Variants in KIAA1217 observed in about 807,000 individuals in gnomAD.
KIAA1217 encodes the protein KIAA1217, also known as sickle tail protein homolog.
Under a neutral mutation model 163.9 loss-of-function variants are expected in KIAA1217, and 88 were observed. The ratio of observed to expected loss-of-function variants is 0.54; its 90% CI spans 0.45 to 0.64. KIAA1217 has a LOEUF of 0.64. Among genes scored for constraint, KIAA1217 ranks in the 30% least tolerant of loss-of-function variants. The probability of loss-of-function intolerance (pLI) is 0.00; values close to 1 mark genes in which losing one functional copy is unlikely to be tolerated. For missense variants in KIAA1217, 2,372 were observed against 2,475.0 expected, an observed-to-expected ratio of 0.96 and a Z score of 0.88; for synonymous variants, 903 against 923.1, an observed-to-expected ratio of 0.98 and a Z score of 0.39.
At chr10:23,859,136 A>G (rs750603302) in intron 1 of KIAA1217, among the ~76,000 whole-genome samples, 5 of 152,182 alleles carry the variant, frequency 3.3e-5, no homozygotes, top group African/African-American at 4.8e-5. Context: ...GTCTTTGTAT[A>G]TGTGTGGGTG....
At chr10:24,526,290 G>T (rs1453207853) in intron 13 of KIAA1217, among the ~76,000 whole-genome samples, 1 of 152,090 alleles carries the variant, frequency 6.6e-6, no homozygotes, top group African/African-American at 2.4e-5. Flanking sequence ...TGTCGCAAGG[G>T]CCCTGGCTTG....
At chr10:24,194,676 C>T (rs1330565414) in intron 2 of KIAA1217, among the ~76,000 whole-genome samples, 1 of 151,458 alleles carries the variant, frequency 6.6e-6, no homozygotes, top group Non-Finnish European at 1.5e-5. Flanking sequence ...CCATCTCAGC[C>T]AGGCTCAAGC....
chr10:23,996,458 C>G (rs187862950), intron 1 of KIAA1217, among the ~76,000 whole-genome samples: 8 of 152,126 alleles, frequency 5.3e-5, no homozygotes, highest in African/African-American at 1.9e-4. Context: ...GCAAACACAA[C>G]GGCAGAAACT....
At chr10:24,007,288 C>T (rs1326646051) in exon 2 of KIAA1217, 1 of 152,122 alleles carries the variant, frequency 6.6e-6, no homozygotes, top group East Asian at 1.9e-4. Context: ...GGAGTGGAAC[C>T]ACAGCCCAGA....
intron 1 of KIAA1217, among the ~76,000 whole-genome samples, chr10:23,909,364 T>A (rs897727713): frequency 4.0e-5 from 6 of 151,110 alleles, no homozygotes; most frequent in East Asian, 1.9e-4. Flanking sequence ...ATAAAAAAAA[T>A]TAAAAAATAA....
chr10:23,773,995 T>C (rs1289143290), intron 1 of KIAA1217, among the ~76,000 whole-genome samples: 3 of 152,174 alleles, frequency 2.0e-5, no homozygotes, highest in Admixed American at 6.5e-5. Context: ...TCCAACACTA[T>C]GTTGAATAGG....
intron 3 of KIAA1217, among the ~76,000 whole-genome samples, chr10:24,387,024 T>C (rs927595181): frequency 2.0e-5 from 3 of 152,246 alleles, no homozygotes; most frequent in Non-Finnish European, 4.4e-5. Flanking sequence ...GGGAGTTTCA[T>C]AGCAGGTCAA....
At chr10:24,147,076 G>C (rs2131847889) in intron 2 of KIAA1217, among the ~76,000 whole-genome samples, 1 of 148,602 alleles carries the variant, frequency 6.7e-6, no homozygotes, top group Non-Finnish European at 1.5e-5. Flanking sequence ...CAAATGATTT[G>C]GTGAGGCCCC....
chr10:23,726,979 C>CT (rs1012125050), intron 1 of KIAA1217, among the ~76,000 whole-genome samples: 2,211 of 93,298 alleles, frequency 0.024, 325 homozygotes, highest in Non-Finnish European at 0.03. Flanking sequence ...GTATAGGCCT[C>CT]TTTTTTTTTT....
At chr10:23,920,597 T>C (rs1842815150) in intron 1 of KIAA1217, among the ~76,000 whole-genome samples, 1 of 152,170 alleles carries the variant, frequency 6.6e-6, no homozygotes, top group Admixed American at 6.5e-5. Flanking sequence ...CCTTCTTTTG[T>C]CTCTCTATTT....
intron 2 of KIAA1217, among the ~76,000 whole-genome samples, chr10:24,030,570 A>G (rs1848150590): frequency 6.6e-6 from 1 of 152,126 alleles, no homozygotes; most frequent in Admixed American, 6.6e-5. Context: ...AGCGGTGTGA[A>G]AAAGGACTAA....
At chr10:24,177,048 A>G (rs1191653333) in intron 2 of KIAA1217, among the ~76,000 whole-genome samples, 1 of 151,456 alleles carries the variant, frequency 6.6e-6, no homozygotes, top group African/African-American at 2.4e-5. Flanking sequence ...TGTGCCCACC[A>G]TGCACAGCCC....
intron 1 of KIAA1217, among the ~76,000 whole-genome samples, chr10:23,786,636 T>C (rs938594999): frequency 2.6e-5 from 4 of 152,144 alleles, no homozygotes; most frequent in African/African-American, 9.7e-5. Flanking sequence ...AGTGAGCTCC[T>C]GTAATCATTA....
intron 9 of KIAA1217, among the ~76,000 whole-genome samples, chr10:24,511,588 AG>A (rs2069175802): frequency 6.6e-6 from 1 of 152,208 alleles, no homozygotes; most frequent in Admixed American, 6.5e-5. Context: ...CAGAGGTTGC[AG>A]TGAACTGAGA....
chr10:23,962,572 A>G (rs1844861900), intron 1 of KIAA1217, among the ~76,000 whole-genome samples: 1 of 152,236 alleles, frequency 6.6e-6, no homozygotes, highest in South Asian at 2.1e-4. Flanking sequence ...GAAAGATACT[A>G]TATATTGTGT....
chr10:23,838,008 G>T (rs1838574514), intron 1 of KIAA1217, among the ~76,000 whole-genome samples: 1 of 152,046 alleles, frequency 6.6e-6, no homozygotes, highest in African/African-American at 2.4e-5. Context: ...TAACCCTCTT[G>T]TCCTTTTGTC....
At chr10:23,966,947 C>T (rs1845089322) in intron 1 of KIAA1217, among the ~76,000 whole-genome samples, 1 of 152,140 alleles carries the variant, frequency 6.6e-6, no homozygotes, top group Middle Eastern at 3.4e-3. Flanking sequence ...GACAAGTGAC[C>T]CTTTTATTTT....
chr10:24,460,915 G>A (rs904458792), intron 5 of KIAA1217, among the ~76,000 whole-genome samples: 3 of 152,186 alleles, frequency 2.0e-5, no homozygotes, highest in Non-Finnish European at 4.4e-5. Context: ...AAACCTACTA[G>A]GGAGCAATTG....
chr10:23,905,378 G>A (rs1842118703), intron 1 of KIAA1217, among the ~76,000 whole-genome samples: 2 of 151,980 alleles, frequency 1.3e-5, no homozygotes, highest in South Asian at 2.1e-4. Context: ...ACCCACAGCC[G>A]AGGAGCCTGG....
Sources: gnomAD v4.1 joint callset for allele counts (sites outside exome capture counted in the v4.1 genomes callset) on GRCh38, gnomAD v4.1.1 for gene constraint, MANE v1.5 for transcripts, NCBI Gene and HGNC (gene_info 2026-07-23, HGNC 2026-07-21) for gene names.